CTPS2: variants seen among roughly 807,000 people sequenced by gnomAD.
CTPS2 encodes the protein CTP synthase 2.
In CTPS2, 19 loss-of-function variants were observed where a neutral mutation model predicts 46.8. The ratio of observed to expected loss-of-function variants is 0.41; its 90% CI spans 0.28 to 0.60. The LOEUF (loss-of-function observed/expected upper bound fraction) is 0.60. Ranked by LOEUF, CTPS2 falls within the 20% of genes least tolerant of loss-of-function variation. The pLI, the probability that CTPS2 is intolerant of heterozygous loss-of-function variation, is 0.35. For synonymous variants in CTPS2, 151 were observed against 165.2 expected (o/e 0.91, Z 0.66); for missense variants, 286 against 447.6 (o/e 0.64, Z 3.26).
chrX:16,706,583 G>A (rs1164032302), intron 1 of CTPS2, among the ~76,000 whole-genome samples: 2 of 109,656 alleles, frequency 1.8e-5, no homozygotes. Context: ...AAGTTAGGCT[G>A]GGCATAGTGG....
At chrX:16,697,814 G>A (rs1365197600) in intron 4 of CTPS2, among the ~76,000 whole-genome samples, 1 of 111,707 alleles carries the variant, frequency 9.0e-6, no homozygotes, top group Non-Finnish European at 1.9e-5. Flanking sequence ...CTAACCCAGT[G>A]TCTCTTTACA....
Position 16,683,173 on chromosome X carries a change from T to TCTC in CTPS2, c.925_926insGAG (p.Lys309delinsArgGlu). ...CACAGAGGCGTAGCAGTCTCTGAGC[T>TCTC]TGGTGTATTTGCCAACCAGGGCTAT... On this transcript the variant is annotated protein_altering_variant, in exon 9 of 19. Coordinates refer to ENST00000359276, the MANE Select transcript of CTPS2 (RefSeq NM_175859.3). 8.3e-7 allele frequency: 1 copy of TCTC among 1,210,021 alleles called. No individual in the cohort carries two copies.
intron 1 of CTPS2, among the ~76,000 whole-genome samples, chrX:16,703,746 A>G: frequency 9.0e-6 from 1 of 111,640 alleles, no homozygotes; most frequent in Non-Finnish European, 1.9e-5. Context: ...AGAAAGCTGT[A>G]GATACCTTCT....
intron 13 of CTPS2, among the ~76,000 whole-genome samples, chrX:16,652,842 T>C (rs1477190927): frequency 1.8e-5 from 2 of 111,880 alleles, no homozygotes; most frequent in Non-Finnish European, 3.8e-5. Context: ...ATCATCACCA[T>C]GCATGGTTTA....
At chrX:16,675,269 CA>C (rs756479055) in intron 10 of CTPS2, among the ~76,000 whole-genome samples, 55 of 71,405 alleles carry the variant, frequency 7.7e-4, no homozygotes, top group East Asian at 8.9e-4. Context: ...GACTGTGTCT[CA>C]AAAAAAAAAA....
At chrX:16,708,675 G>A (rs1925203563) in intron 1 of CTPS2, among the ~76,000 whole-genome samples, 1 of 110,973 alleles carries the variant, frequency 9.0e-6, no homozygotes, top group East Asian at 2.8e-4. Flanking sequence ...CACCTTTCCT[G>A]CAGGATTAAG....
At chrX:16,667,240 C>A (rs748799323) in intron 13 of CTPS2, among the ~76,000 whole-genome samples, 38 of 103,640 alleles carry the variant, frequency 3.7e-4, no homozygotes, top group African/African-American at 1.3e-3. Context: ...TCCAGCAATT[C>A]TCCTGCCTCA....
chrX:16,700,450 A>G (rs756080394), intron 2 of CTPS2, among the ~76,000 whole-genome samples: 1 of 105,133 alleles, frequency 9.5e-6, no homozygotes, highest in East Asian at 3.1e-4. Context: ...GAGTTTCGCC[A>G]TGTTTGCCAG....
intron 13 of CTPS2, among the ~76,000 whole-genome samples, chrX:16,664,551 C>T (rs935271882): frequency 8.1e-5 from 9 of 111,405 alleles, no homozygotes; most frequent in East Asian, 5.6e-4. Context: ...GAGTATGCTA[C>T]CATTTCCCTA....
chrX:16,593,215 G>A (rs1929009557), intron 17 of CTPS2, among the ~76,000 whole-genome samples: 1 of 111,353 alleles, frequency 9.0e-6, no homozygotes, highest in South Asian at 3.8e-4. Flanking sequence ...GGATCACGAG[G>A]TCAGGAGATC....
At chrX:16,667,433 C>T in intron 13 of CTPS2, 81 bp downstream of exon 13, 2 of 1,045,605 alleles carry the variant, frequency 1.9e-6, no homozygotes, top group African/African-American at 1.8e-5. Context: ...GGCGCCCAGC[C>T]AATAGCCCCT....
chrX:16,594,573 T>C (rs779099119), intron 17 of CTPS2, among the ~76,000 whole-genome samples: 1 of 112,096 alleles, frequency 8.9e-6, no homozygotes, highest in East Asian at 2.8e-4. Context: ...AAGTGTATGA[T>C]TTTCAGGATT....
intron 17 of CTPS2, among the ~76,000 whole-genome samples, chrX:16,600,031 G>A (rs961479659): frequency 8.0e-5 from 9 of 112,144 alleles, no homozygotes; most frequent in Non-Finnish European, 1.1e-4. Context: ...CGCCCGCCTC[G>A]GCTTCCCAAA....
intron 10 of CTPS2, among the ~76,000 whole-genome samples, chrX:16,671,816 C>T (rs187263512): frequency 2.0e-3 from 222 of 111,274 alleles, no homozygotes; most frequent in Non-Finnish European, 3.3e-3. Flanking sequence ...TGCCCAGCCT[C>T]CAGTAACATC....
chrX:16,632,232 T>C (rs1451731817), intron 14 of CTPS2, among the ~76,000 whole-genome samples: 2 of 110,724 alleles, frequency 1.8e-5, no homozygotes, highest in African/African-American at 6.6e-5. Context: ...AGGCCAGGAG[T>C]TAAAGACCAG....
At chrX:16,652,866 G>C (rs768415878) in intron 13 of CTPS2, among the ~76,000 whole-genome samples, 1 of 111,459 alleles carries the variant, frequency 9.0e-6, no homozygotes, top group African/African-American at 3.3e-5. Flanking sequence ...TCTAGTAAAG[G>C]CTTCAGGAAA....
At chrX:16,680,755 A>G (rs939906160) in intron 9 of CTPS2, among the ~76,000 whole-genome samples, 2 of 110,951 alleles carry the variant, frequency 1.8e-5, no homozygotes, top group African/African-American at 3.3e-5. Context: ...TAGAAAGCCA[A>G]AAGTAAAAAG....
At chrX:16,676,210 T>C (rs1330610504) in intron 10 of CTPS2, among the ~76,000 whole-genome samples, 5 of 112,186 alleles carry the variant, frequency 4.5e-5, no homozygotes, top group African/African-American at 1.6e-4. Context: ...ATGGTGTGCT[T>C]TCCTGTAAAG....
At chrX:16,630,783 T>C (rs1931423360) in intron 14 of CTPS2, among the ~76,000 whole-genome samples, 1 of 112,153 alleles carries the variant, frequency 8.9e-6, no homozygotes, top group African/African-American at 3.2e-5. Flanking sequence ...TTAAATTAGG[T>C]TGATGGCTGG....
Sources: gnomAD v4.1 joint callset for allele counts (sites outside exome capture counted in the v4.1 genomes callset) on GRCh38, gnomAD v4.1.1 for gene constraint, MANE v1.5 for transcripts, NCBI Gene and HGNC (gene_info 2026-07-23, HGNC 2026-07-21) for gene names.